Variants in ISOC1 observed in about 807,000 individuals in gnomAD.
ISOC1 encodes the protein isochorismatase domain-containing protein 1.
Under a neutral mutation model 30.0 loss-of-function variants are expected in ISOC1, and 33 were observed. The observed-to-expected ratio is 1.10, with a 90% CI of 0.83 to 1.47. The LOEUF (loss-of-function observed/expected upper bound fraction) is 1.47, where lower values mean the gene tolerates loss of function less well. Among genes scored for constraint, ISOC1 ranks in the 40% most tolerant of loss-of-function variants. The pLI is 0.00. For missense variants in ISOC1, 372 were observed against 388.0 expected (o/e 0.96, Z 0.35); for synonymous variants, 178 against 159.8 (o/e 1.11, Z -0.86).
At chr5:129,095,850 G>T (rs1325539922) in intron 1 of ISOC1, among the ~76,000 whole-genome samples, 1 of 152,176 alleles carries the variant, frequency 6.6e-6, no homozygotes, top group African/African-American at 2.4e-5. Context: ...TGCTAGGCGG[G>T]TTAATCTTCC....
Position 129,105,219 on chromosome 5 carries a change from T to C in ISOC1, c.464T>C (p.Ile155Thr), listed in dbSNP as rs944132664. 14 of 1,613,888 alleles carry C rather than the reference T, an allele frequency of 8.7e-6. No individual in the cohort carries two copies. In the South Asian group the frequency reaches 8.8e-5, roughly 10 times the overall value. ...GCCCGGATTTTAGGAATTCCTGTTA[T>C]TGTAACAGAACAATACCCTAAAGGT... ...QGARILGIPV[I>T]VTEQYPKGLG... Residue 155 changes from isoleucine (I) to threonine (T), a missense_variant, in exon 3 of 5, where the codon ATT (isoleucine) becomes ACT (threonine). Coordinates refer to ENST00000173527, the MANE Select transcript of ISOC1 (RefSeq NM_016048.2).
intron 1 of ISOC1, among the ~76,000 whole-genome samples, chr5:129,099,611 C>T (rs956932736): frequency 6.6e-6 from 1 of 152,092 alleles, no homozygotes; most frequent in Non-Finnish European, 1.5e-5. Flanking sequence ...ATTCACTTTC[C>T]TTATTCTGCA....
At chr5:129,101,782 A>T (rs1366657195) in intron 1 of ISOC1, among the ~76,000 whole-genome samples, 1 of 152,214 alleles carries the variant, frequency 6.6e-6, no homozygotes, top group African/African-American at 2.4e-5. Context: ...CCAAACTAGG[A>T]TACCAATTAC....
chr5:129,100,626 CA>C (rs1753559181), intron 1 of ISOC1, among the ~76,000 whole-genome samples: 2 of 152,122 alleles, frequency 1.3e-5, no homozygotes, highest in South Asian at 4.1e-4. Flanking sequence ...GGCTGTCTTA[CA>C]GTTGCAACAT....
intron 4 of ISOC1, 81 bp from the exon 5 acceptor site, chr5:129,112,774 A>G: frequency 2.1e-6 from 3 of 1,447,212 alleles, no homozygotes; most frequent in South Asian, 1.3e-5. Context: ...TAATTATTGC[A>G]TCCCAGCATA....
At chr5:129,095,131 T>TCCCTGTCCCCGC (rs1010527176) in intron 1 of ISOC1, 56 bp downstream of exon 1, 69 of 1,459,622 alleles carry the variant, frequency 4.7e-5, no homozygotes, top group Non-Finnish European at 6.1e-5. Flanking sequence ...CCCGTCCCCG[T>TCCCTGTCCCCGC]CCCTGTCCCC....
intron 1 of ISOC1, among the ~76,000 whole-genome samples, chr5:129,099,935 G>A (rs531573278): frequency 6.6e-6 from 1 of 152,330 alleles, no homozygotes; most frequent in Admixed American, 6.5e-5. Flanking sequence ...CGAAATTAGT[G>A]AAATTGAGAT....
chr5:129,103,148 C>T (rs561857091), intron 1 of ISOC1, among the ~76,000 whole-genome samples: 1 of 152,158 alleles, frequency 6.6e-6, no homozygotes, highest in South Asian at 2.1e-4. Flanking sequence ...GCCTACGAGT[C>T]CATGATTCAA....
intron 1 of ISOC1, among the ~76,000 whole-genome samples, chr5:129,095,532 C>G (rs1753485942): frequency 6.6e-6 from 1 of 152,184 alleles, no homozygotes; most frequent in Non-Finnish European, 1.5e-5. Context: ...TAACCACTTG[C>G]GGAAACGCAA....
In ISOC1 at chr5:129,113,110, A is replaced by G. The variant is rs1351234653; in HGVS notation, c.*109A>G. 9.3e-7 allele frequency: 1 copy of G among 1,074,710 alleles called. No individual in the cohort carries two copies. The highest frequency in any genetic ancestry group is 1.6e-5 in the African/African-American group (1 of 62,194). The allele number at this position is 1,074,710 out of a possible 1,614,324, so 66.6% of individuals were successfully genotyped here. A position where few individuals can be genotyped will look rare whatever the true frequency, so the allele number is the denominator to read the frequency against. ...CTACTAGAATTAAAATGTTAAGTCA[A>G]AAACGGCTCCTTTTTTGCGCCTCCT... is the stretch of plus-strand genomic sequence containing the variant. On this transcript the variant is annotated 3_prime_UTR_variant, in exon 5 of 5. Coordinates refer to ENST00000173527, the MANE Select transcript of ISOC1 (RefSeq NM_016048.2).
chr5:129,100,547 T>C (rs550470979), intron 1 of ISOC1, among the ~76,000 whole-genome samples: 1 of 152,236 alleles, frequency 6.6e-6, no homozygotes, highest in Non-Finnish European at 1.5e-5. Context: ...TGCATAGATC[T>C]GTAATTGCTA....
In ISOC1 at chr5:129,113,128, C is replaced by T. The variant is rs896504669; in HGVS notation, c.*127C>T. 9 of 809,070 alleles carry T rather than the reference C, an allele frequency of 1.1e-5. No homozygotes were observed. Among genetic ancestry groups the T allele is most frequent in the South Asian group, 2.6e-5 (1 of 38,550 alleles). 50.1% of individuals were successfully genotyped at this position (809,070 alleles called of 1,614,324 possible). ...TAAGTCAAAAACGGCTCCTTTTTTGCGCCTCCTAGTGAAACTTAACCAGCT... is the reference window on the plus strand; with the variant it reads ...TAAGTCAAAAACGGCTCCTTTTTTGTGCCTCCTAGTGAAACTTAACCAGCT... On this transcript the variant is annotated 3_prime_UTR_variant, in exon 5 of 5. Transcript: ENST00000173527.
chr5:129,108,251 C>G (rs1753661458), intron 4 of ISOC1, among the ~76,000 whole-genome samples: 3 of 152,092 alleles, frequency 2.0e-5, no homozygotes, highest in Admixed American at 2.0e-4. Context: ...AGGGCCTTAT[C>G]AGAGGAAAGA....
intron 1 of ISOC1, among the ~76,000 whole-genome samples, chr5:129,096,668 C>G (rs1414806166): frequency 6.6e-6 from 1 of 152,206 alleles, no homozygotes; most frequent in African/African-American, 2.4e-5. Context: ...TTTTACGTTA[C>G]TGCTGCCAGA....
chr5:129,111,425 TAAAG>T (rs1753708104), intron 4 of ISOC1, among the ~76,000 whole-genome samples: 1 of 152,114 alleles, frequency 6.6e-6, no homozygotes, highest in Non-Finnish European at 1.5e-5. Context: ...CGGATAAAAA[TAAAG>T]AGTCTGCCAG....
Position 129,113,095 on chromosome 5 carries a change from T to G in ISOC1, c.*94T>G, listed in dbSNP as rs1753732299. The G allele has an allele frequency of 8.2e-7, 1 of 1,221,380 alleles. No homozygotes were observed. The allele number at this position is 1,221,380 out of a possible 1,614,324, so 75.7% of individuals were successfully genotyped here. A position where few individuals can be genotyped will look rare whatever the true frequency, so the allele number is the denominator to read the frequency against. On this transcript the variant is annotated 3_prime_UTR_variant, in exon 5 of 5. Transcript: ENST00000173527. ...AAGCTCTTCTTATCTCTACTAGAAT[T>G]AAAATGTTAAGTCAAAAACGGCTCC...
At chr5:129,104,883 T>C in intron 1 of ISOC1, 73 bp from the exon 2 acceptor site, 1 of 1,486,830 alleles carries the variant, frequency 6.7e-7, no homozygotes, top group Non-Finnish European at 9.1e-7. Flanking sequence ...TTTTTCTTCC[T>C]TTATTGACCT....
At chr5:129,095,129 C>T (rs371401186) in intron 1 of ISOC1, 54 bp downstream of exon 1, 3 of 1,458,756 alleles carry the variant, frequency 2.1e-6, no homozygotes, top group South Asian at 1.4e-5. Context: ...TCCCCGTCCC[C>T]GTCCCTGTCC....
At position 129,094,875 on chromosome 5, in the gene ISOC1, C is replaced by G; in HGVS notation, c.109C>G (p.Arg37Gly). Reference sequence around the variant, plus strand: ...GCTCTTCTGTTTCTCAGTCTTCGCGCGACCCTCGTCGGTGCCACACGGGGC... The same window carrying G: ...GCTCTTCTGTTTCTCAGTCTTCGCGGGACCCTCGTCGGTGCCACACGGGGC... ...PVLFCFSVFA[R>G]PSSVPHGAGY... Residue 37 changes from arginine to glycine, a missense_variant, in exon 1 of 5, where the codon CGA becomes GGA. Arg to Gly is a moderately radical substitution (Grantham distance 125). Transcript: ENST00000173527. 1 of 1,600,392 alleles carries G rather than the reference C, an allele frequency of 6.2e-7. No homozygotes were observed. The highest frequency in any genetic ancestry group is 8.5e-7 in the Non-Finnish European group (1 of 1,175,258).
Sources: allele counts gnomAD v4.1 joint callset (sites outside exome capture counted in the v4.1 genomes callset), GRCh38; gene constraint gnomAD v4.1.1; transcripts MANE v1.5; gene names NCBI Gene and HGNC (gene_info 2026-07-23, HGNC 2026-07-21).